Variants in CYP3A5 observed in about 807,000 individuals in gnomAD.
CYP3A5 encodes the protein cytochrome P450 3A5.
In CYP3A5, 51 loss-of-function variants were observed where a neutral mutation model predicts 55.9. The ratio of observed to expected loss-of-function variants is 0.91; its 90% CI spans 0.73 to 1.15. The LOEUF is 1.15. CYP3A5 is among the 50% of genes most tolerant of loss of function. The pLI is 0.00. For missense variants in CYP3A5, 533 were observed against 596.6 expected, an observed-to-expected ratio of 0.89 and a Z score of 1.11; for synonymous variants, 196 against 213.9, an observed-to-expected ratio of 0.92 and a Z score of 0.73.
intron 2 of CYP3A5, 59 bp from the exon 3 acceptor site, chr7:99,674,644 C>T (rs1391967454): frequency 7.0e-7 from 1 of 1,436,606 alleles, no homozygotes; most frequent in Non-Finnish European, 9.7e-7. Flanking sequence ...AACCCTACCT[C>T]TAATTGGGGC....
rs550095696 is a variant in CYP3A5 at position 99,669,629 on chromosome 7, T to G, written c.319-2564A>C. On this transcript the variant is annotated intron_variant, in intron 4 of 12. Coordinates refer to ENST00000222982, the MANE Select transcript of CYP3A5 (RefSeq NM_000777.5). ...GAGAGTAAAACTGCTAATTTAAAAT[T>G]TTATGCTTTGGTGATGGATGAAGGC... Among the ~76,000 whole-genome samples the G allele has an allele frequency of 5.3e-5, 8 of 152,270 alleles. No homozygotes were observed. In the South Asian group the frequency reaches 1.2e-3, roughly 24 times the overall value.
In CYP3A5 at chr7:99,666,596, CT is replaced by C. The variant is rs759623461; in HGVS notation, c.521+4del. On this transcript the variant is annotated splice_donor_region_variant and intron_variant, in intron 6 of 12. Coordinates refer to ENST00000222982, the MANE Select transcript of CYP3A5 (RefSeq NM_000777.5). ...TCAGAACCCCATGGCTGTGCTCCTA[CT>C]TACTCTTTCAAGGTGACAGGCTTGC... is the stretch of plus-strand genomic sequence containing the variant. 85 of 1,613,374 alleles carry C rather than the reference CT, an allele frequency of 5.3e-5. No individual in the cohort carries two copies. The highest frequency in any genetic ancestry group is 7.0e-5 in the Non-Finnish European group (82 of 1,179,540).
In CYP3A5 at chr7:99,669,565, A is replaced by T. The variant is rs144855505; in HGVS notation, c.319-2500T>A. Reference sequence around the variant, plus strand: ...TTTGTCTCACCAGACTATAGCCAGGAGAATTGGAGAAATTGGGAAATCTAT... The same window carrying T: ...TTTGTCTCACCAGACTATAGCCAGGTGAATTGGAGAAATTGGGAAATCTAT... On this transcript the variant is annotated intron_variant, in intron 4 of 12. Coordinates refer to ENST00000222982, the MANE Select transcript of CYP3A5 (RefSeq NM_000777.5). Among the ~76,000 whole-genome samples the T allele has an allele frequency of 3.9e-3, 596 of 152,314 alleles. 8 individuals are homozygous for T. Among genetic ancestry groups the T allele is most frequent in the Non-Finnish European group, 6.2e-3 (421 of 68,014 alleles).
intron 4 of CYP3A5, among the ~76,000 whole-genome samples, chr7:99,669,776 T>G (rs1584459395): frequency 6.6e-6 from 1 of 152,120 alleles, no homozygotes; most frequent in African/African-American, 2.4e-5. Flanking sequence ...AATCAAGAGA[T>G]TTATATGAAG....
At chr7:99,667,576 T>C (rs770903388) in intron 4 of CYP3A5, among the ~76,000 whole-genome samples, 1 of 152,238 alleles carries the variant, frequency 6.6e-6, no homozygotes, top group Non-Finnish European at 1.5e-5. Flanking sequence ...GAAGGAATAA[T>C]GCAATTTCCT....
chr7:99,671,170 A>T (rs61193950), intron 4 of CYP3A5: 4,798 of 136,710 alleles, frequency 0.035, 244 homozygotes, highest in African/African-American at 0.11. Context: ...TGTGTATTTT[A>T]TGTGTGGCCC....
At chr7:99,654,613 G>A (rs1449192867) in intron 10 of CYP3A5, among the ~76,000 whole-genome samples, 1 of 152,092 alleles carries the variant, frequency 6.6e-6, no homozygotes, top group Non-Finnish European at 1.5e-5. Context: ...GGGATGGCTG[G>A]GTCAAATGGT....
chr7:99,655,296 T>C lies in CYP3A5; in HGVS notation c.1027-2517A>G, dbSNP rs1809597151. Among the ~76,000 whole-genome samples, 2 of 152,238 alleles carry C rather than the reference T, an allele frequency of 1.3e-5. 1 individual carries two copies. The highest frequency in any genetic ancestry group is 4.1e-4 in the South Asian group (2 of 4,828). On this transcript the variant is annotated intron_variant, in intron 10 of 12. Coordinates refer to ENST00000222982, the MANE Select transcript of CYP3A5 (RefSeq NM_000777.5). The stretch of plus-strand genomic sequence containing the variant: ...GGATCCAGTTTCAGCTTTCTATATA[T>C]GGCTAGCCAGTTTTCCCAGCACCAT...
intron 11 of CYP3A5, among the ~76,000 whole-genome samples, chr7:99,650,433 T>C (rs1809060215): frequency 6.6e-6 from 1 of 152,210 alleles, no homozygotes; most frequent in African/African-American, 2.4e-5. Flanking sequence ...AAATTCTCCA[T>C]ACCCTATAGG....
Position 99,666,816 on chromosome 7 carries a change from CATAAAG to C in CYP3A5, c.432+130_433-128del. 5.1e-6 allele frequency: 8 copies of C among 1,581,638 alleles called. No individual in the cohort carries two copies. The East Asian group carries it at 6.8e-5, about 13-fold the overall frequency. Reference sequence around the variant, plus strand: ...TGAATTTTGTGATGTCTTTTCTGTACATAAAGATAAAAGACCATTTTTAGGAAGCTC... The same window carrying C: ...TGAATTTTGTGATGTCTTTTCTGTACATAAAAGACCATTTTTAGGAAGCTC... On this transcript the variant is annotated intron_variant, in intron 5 of 12. Transcript: ENST00000222982.
chr7:99,677,000 C>T (rs992292739), intron 1 of CYP3A5, among the ~76,000 whole-genome samples: 12 of 152,190 alleles, frequency 7.9e-5, no homozygotes, highest in African/African-American at 2.9e-4. Flanking sequence ...TCAGGTCATA[C>T]TCACCTGAGA....
intron 4 of CYP3A5, among the ~76,000 whole-genome samples, chr7:99,669,704 A>ATGATGAATAG (rs1272063505): frequency 6.6e-6 from 1 of 152,228 alleles, no homozygotes; most frequent in African/African-American, 2.4e-5. Context: ...AGAGGTATTG[A>ATGATGAATAG]TGATGAATAT....
At position 99,677,731 on chromosome 7, in the gene CYP3A5, C is replaced by G. The variant is rs575237308; in HGVS notation, c.72-1523G>C. On this transcript the variant is annotated intron_variant, in intron 1 of 12. Transcript: ENST00000222982. ...TAGTGGAAGTGCGTGCACCACCTGC[C>G]AAAGCCAGGGTGGCCTTGGGTATTC... is the stretch of plus-strand genomic sequence containing the variant. Among the ~76,000 whole-genome samples, 152 of 152,332 alleles carry G rather than the reference C, an allele frequency of 1.0e-3. 1 individual carries two copies. The highest frequency in any genetic ancestry group is 1.7e-3 in the Non-Finnish European group (117 of 68,044).
At chr7:99,652,354 G>C (rs1809275691) in intron 11 of CYP3A5, 199 bp downstream of exon 11, 1 of 460,094 alleles carries the variant, frequency 2.2e-6, no homozygotes, top group Non-Finnish European at 3.8e-6. Context: ...TTTGTCTTGT[G>C]CTGGGACTGT....
At chr7:99,676,607 T>G in intron 1 of CYP3A5, 1 of 1,294,674 alleles carries the variant, frequency 7.7e-7, no homozygotes, top group Non-Finnish European at 1.0e-6. Flanking sequence ...TTTTTTTGTC[T>G]TTTGCACTGA....
At position 99,666,622 on chromosome 7, in the gene CYP3A5, C is replaced by A; in HGVS notation, c.500G>T (p.Gly167Val). 6.2e-7 allele frequency: 1 copy of A among 1,613,938 alleles called. No homozygotes were observed. Among genetic ancestry groups the A allele is most frequent in the Admixed American group, 1.7e-5 (1 of 60,026 alleles). ...TTACTCTTTCAAGGTGACAGGCTTG[C>A]CTTTCTCTGCTTCCCGCCTCAAGTT... ...VRNLRREAEK[G>V]KPVTLKDIFG... Residue 167 changes from glycine (G) to valine (V), a missense_variant, in exon 6 of 13, where the codon GGC becomes GTC. Coordinates refer to ENST00000222982, the MANE Select transcript of CYP3A5 (RefSeq NM_000777.5).
chr7:99,677,497 CGG>C (rs1330028215), intron 1 of CYP3A5, among the ~76,000 whole-genome samples: 4 of 152,166 alleles, frequency 2.6e-5, no homozygotes, highest in African/African-American at 9.7e-5. Context: ...TAAAACGTCC[CGG>C]AGAGTTGTAT....
intron 1 of CYP3A5, among the ~76,000 whole-genome samples, chr7:99,678,394 C>G (rs1474868505): frequency 6.6e-6 from 1 of 152,248 alleles, no homozygotes; most frequent in Non-Finnish European, 1.5e-5. Context: ...GTCACTGGCT[C>G]ACAGTCTTGC....
intron 10 of CYP3A5, among the ~76,000 whole-genome samples, chr7:99,654,861 A>G (rs1207212673): frequency 3.3e-5 from 5 of 152,042 alleles, no homozygotes; most frequent in East Asian, 3.9e-4. Context: ...TCATGTGTCT[A>G]TTGGCTGCAT....
Sources: gnomAD v4.1 joint callset for allele counts (sites outside exome capture counted in the v4.1 genomes callset) on GRCh38, gnomAD v4.1.1 for gene constraint, MANE v1.5 for transcripts, NCBI Gene and HGNC (gene_info 2026-07-23, HGNC 2026-07-21) for gene names.